HNRNPH1: variants seen among roughly 807,000 people sequenced by gnomAD.
The protein encoded by HNRNPH1 is heterogeneous nuclear ribonucleoprotein H1.
In HNRNPH1, 4 loss-of-function variants were observed where a neutral mutation model predicts 58.6. The ratio of observed to expected loss-of-function variants is 0.07; its 90% CI spans 0.03 to 0.16. The LOEUF is 0.16. Among genes scored for constraint, HNRNPH1 ranks in the 10% least tolerant of loss-of-function variants. The pLI is 1.00. For missense variants in HNRNPH1, 271 were observed against 564.2 expected, an observed-to-expected ratio of 0.48 and a Z score of 5.26; for synonymous variants, 192 against 189.2, an observed-to-expected ratio of 1.01 and a Z score of -0.12.
At chr5:179,625,487 C>CAA (rs36011321), upstream of HNRNPH1, among the ~76,000 whole-genome samples, 1,081 of 86,268 alleles carry the variant, frequency 0.013, 35 homozygotes, top group African/African-American at 0.042. Context: ...GACTCCCTCT[C>CAA]AAAAAAAAAA....
At chr5:179,622,733 T>C (rs979315891) in intron 1 of HNRNPH1, 1 of 152,184 alleles carries the variant, frequency 6.6e-6, no homozygotes, top group African/African-American at 2.4e-5. Context: ...AAGACACCCA[T>C]AAAAGAAAAG....
At chr5:179,615,799 TA>T (rs1276831349) in intron 11 of HNRNPH1, 13 of 517,824 alleles carry the variant, frequency 2.5e-5, no homozygotes, top group South Asian at 1.3e-4. Context: ...TGAACAACTT[TA>T]TTTAATGTTT....
At chr5:179,623,281 C>T (rs1328263475) in exon 1 of HNRNPH1, 3 of 498,734 alleles carry the variant, frequency 6.0e-6, no homozygotes, top group African/African-American at 2.0e-5. Flanking sequence ...ATGCACCCAC[C>T]CCGGCGACTC....
chr5:179,626,606 C>T (rs1468540515), upstream of HNRNPH1, among the ~76,000 whole-genome samples: 1 of 150,440 alleles, frequency 6.6e-6, no homozygotes, highest in South Asian at 2.1e-4. Flanking sequence ...ATCCCAGCTA[C>T]TCAGGAGGCT....
At chr5:179,615,793 CA>C (rs1769260490) in intron 11 of HNRNPH1, 198 bp from the exon 13 acceptor site, 1 of 512,802 alleles carries the variant, frequency 2.0e-6, no homozygotes, top group African/African-American at 1.9e-5. Context: ...AAAAAGTGAA[CA>C]ACTTTATTTA....
chr5:179,616,811 A>AT lies in HNRNPH1; in HGVS notation c.1207+57dup, dbSNP rs773511242. ...TTAAATAAATAGATTAACTTAACTT[A>AT]TAATTGACTTATACAGATATAAACG... On this transcript the variant is annotated intron_variant, in intron 10 of 12. Coordinates refer to ENST00000356731, the Ensembl canonical transcript of HNRNPH1. 2.1e-5 allele frequency: 28 copies of AT among 1,351,872 alleles called. No individual in the cohort carries two copies. The African/African-American group carries it at 4.0e-4, about 19-fold the overall frequency. The allele number at this position is 1,351,872 out of a possible 1,614,324, so 83.7% of individuals were successfully genotyped here.
exon 7 of HNRNPH1, chr5:179,617,804 A>G (rs1770523085): frequency 6.2e-7 from 1 of 1,613,832 alleles, no homozygotes; most frequent in Non-Finnish European, 8.5e-7. Context: ...CTTACATTAT[A>G]AATGTCATTC....
At chr5:179,630,946 A>C (rs1274297871) in intron 2 of HNRNPH1, among the ~76,000 whole-genome samples, 1 of 151,930 alleles carries the variant, frequency 6.6e-6, no homozygotes, top group East Asian at 1.9e-4. Flanking sequence ...CAAAAAAAAA[A>C]CAAAAACAAA....
intron 12 of HNRNPH1, 140 bp from the exon 14 acceptor site, chr5:179,615,099 G>C (rs1768878709): frequency 4.8e-6 from 3 of 629,426 alleles, no homozygotes; most frequent in Non-Finnish European, 8.6e-6. Context: ...GTTTGGGAAA[G>C]GGGAATCCCG....
chr5:179,628,274 G>C (rs530450001), upstream of HNRNPH1, among the ~76,000 whole-genome samples: 187 of 152,308 alleles, frequency 1.2e-3, no homozygotes, highest in Non-Finnish European at 2.0e-3. Context: ...AGTATCATTT[G>C]TAAGACACAT....
exon 10 of HNRNPH1, chr5:179,616,878 T>C (rs1770019267): frequency 6.2e-7 from 1 of 1,613,752 alleles, no homozygotes; most frequent in Non-Finnish European, 8.5e-7. Context: ...CACAAGCCCA[T>C]GCCTCCCATC....
At chr5:179,622,841 G>A (rs1466337619) in intron 1 of HNRNPH1, 196 bp downstream of exon 2, 1 of 152,392 alleles carries the variant, frequency 6.6e-6, no homozygotes, top group Non-Finnish European at 1.5e-5. Context: ...AATTTCCATT[G>A]CGTAACAGCG....
At chr5:179,617,186 A>C in intron 8 of HNRNPH1, 76 bp from the exon 10 acceptor site, 1 of 1,406,752 alleles carries the variant, frequency 7.1e-7, no homozygotes. Flanking sequence ...TAAAGTTTTT[A>C]AACAAGCAGA....
chr5:179,626,186 C>T (rs1774377924), upstream of HNRNPH1, among the ~76,000 whole-genome samples: 1 of 151,956 alleles, frequency 6.6e-6, no homozygotes. Flanking sequence ...TCACTGCAAC[C>T]TCTGCCTCCT....
At chr5:179,626,846 G>A (rs910806207), upstream of HNRNPH1, among the ~76,000 whole-genome samples, 8 of 140,904 alleles carry the variant, frequency 5.7e-5, no homozygotes, top group Non-Finnish European at 9.0e-5. Flanking sequence ...CGCGATCTCC[G>A]CTCACTGCAA....
In HNRNPH1 at chr5:179,617,119, A is replaced by AG. The variant is rs1770131164; in HGVS notation, c.1058-10dup. 2 of 1,611,506 alleles carry AG rather than the reference A, an allele frequency of 1.2e-6. No homozygotes were observed. The highest frequency in any genetic ancestry group is 1.7e-6 in the Non-Finnish European group (2 of 1,179,124). On this transcript the variant is annotated splice_polypyrimidine_tract_variant and intron_variant, in intron 8 of 12. Transcript: ENST00000356731. ...TTCTACATATCTGTGTTCTGAAATG[A>AG]GAAAAAAAAAGTTTGAAAATGTTTG... is the stretch of plus-strand genomic sequence containing the variant.
chr5:179,616,201 C>T lies in HNRNPH1; in HGVS notation c.1225G>A (p.Gly409Arg). 2 of 1,614,118 alleles carry T rather than the reference C, an allele frequency of 1.2e-6. No individual in the cohort carries two copies. The highest frequency in any genetic ancestry group is 1.7e-6 in the Non-Finnish European group (2 of 1,179,940). ...CTCAGCTGCTGGCTGGCTGGGCCCC[C>T]GTAGCTGGACTGGTTTGCTGTTAAG... Residue 409 changes from glycine (G) to arginine (R), a missense_variant, in exon 11 of 13, where the codon GGG becomes AGG. Physicochemically the swap from Gly to Arg is moderately radical, Grantham distance 125 (BLOSUM62 -2). Transcript: ENST00000356731.
chr5:179,616,440 C>G, intron 10 of HNRNPH1: 1 of 567,956 alleles, frequency 1.8e-6, no homozygotes, highest in Non-Finnish European at 3.1e-6. Context: ...CACACATCAG[C>G]AGGACTAAAA....
At chr5:179,626,396 T>C (rs1169758608), upstream of HNRNPH1, among the ~76,000 whole-genome samples, 1 of 149,386 alleles carries the variant, frequency 6.7e-6, no homozygotes, top group Non-Finnish European at 1.5e-5. Flanking sequence ...TGAGCCACCA[T>C]GCTCGGCCAA....
Sources: gnomAD v4.1 joint callset for allele counts (sites outside exome capture counted in the v4.1 genomes callset) on GRCh38, gnomAD v4.1.1 for gene constraint, MANE v1.5 for transcripts, NCBI Gene and HGNC (gene_info 2026-07-23, HGNC 2026-07-21) for gene names.